Variants in FYN observed in about 807,000 individuals in gnomAD.
The protein encoded by FYN is FYN proto-oncogene, Src family tyrosine kinase.
Under a neutral mutation model 70.2 loss-of-function variants are expected in FYN, and 10 were observed. The ratio of observed to expected loss-of-function variants is 0.14; its 90% CI spans 0.09 to 0.24. FYN has a LOEUF of 0.24. Ranked by LOEUF, FYN falls within the 10% of genes least tolerant of loss-of-function variation. The probability of loss-of-function intolerance (pLI) is 1.00; values close to 1 mark genes in which losing one functional copy is unlikely to be tolerated. For missense variants in FYN, 319 were observed against 673.1 expected (o/e 0.47, Z 5.82); for synonymous variants, 236 against 248.6 (o/e 0.95, Z 0.48).
At chr6:111,865,620 G>C (rs529444612) in intron 1 of FYN, among the ~76,000 whole-genome samples, 1 of 152,104 alleles carries the variant, frequency 6.6e-6, no homozygotes, top group African/African-American at 2.4e-5. Flanking sequence ...CTAAAAATTA[G>C]ATTTGCTCAA....
intron 3 of FYN, among the ~76,000 whole-genome samples, chr6:111,769,235 C>T (rs1193818978): frequency 6.6e-6 from 1 of 152,202 alleles, no homozygotes; most frequent in Admixed American, 6.5e-5. Flanking sequence ...ACATGATCTC[C>T]TCTAGCCTTC....
intron 2 of FYN, among the ~76,000 whole-genome samples, chr6:111,797,701 TATATATATATACAC>T (rs1771855742): frequency 1.0e-5 from 1 of 95,434 alleles, no homozygotes; most frequent in Admixed American, 9.6e-5. Context: ...TATATATATA[TATATATATATACAC>T]ACACACACAC....
chr6:111,769,111 A>T (rs548142534), intron 3 of FYN, among the ~76,000 whole-genome samples: 5 of 152,348 alleles, frequency 3.3e-5, no homozygotes, highest in Admixed American at 1.3e-4. Context: ...TGAGGTTGAC[A>T]TCAAGTCAAA....
At chr6:111,680,264 G>A (rs550656775) in intron 12 of FYN, among the ~76,000 whole-genome samples, 1 of 152,362 alleles carries the variant, frequency 6.6e-6, no homozygotes, top group Admixed American at 6.5e-5. Flanking sequence ...TGCACTCGGT[G>A]CCAGGAGGAC....
intron 3 of FYN, among the ~76,000 whole-genome samples, chr6:111,772,629 A>T (rs956240033): frequency 2.0e-5 from 3 of 152,216 alleles, no homozygotes; most frequent in African/African-American, 7.2e-5. Flanking sequence ...AAAGATGTTT[A>T]ACCTCCACTT....
At chr6:111,684,470 G>A (rs1798907598) in intron 12 of FYN, among the ~76,000 whole-genome samples, 1 of 152,190 alleles carries the variant, frequency 6.6e-6, no homozygotes, top group African/African-American at 2.4e-5. Context: ...AGCTACCAGG[G>A]AGAATGCAGG....
intron 3 of FYN, among the ~76,000 whole-genome samples, chr6:111,729,202 G>T (rs1801333205): frequency 6.6e-6 from 1 of 152,094 alleles, no homozygotes; most frequent in Non-Finnish European, 1.5e-5. Flanking sequence ...GGCCAGGTGT[G>T]GTGGTTCACA....
Position 111,800,046 on chromosome 6 carries a change from G to T in FYN, c.-81-19411C>A, listed in dbSNP as rs975365428. 7.2e-5 allele frequency among the ~76,000 whole-genome samples: 11 copies of T among 152,310 alleles called. No individual in the cohort carries two copies. The East Asian group carries it at 2.1e-3, about 29-fold the overall frequency. On this transcript the variant is annotated intron_variant, in intron 2 of 13. Transcript: ENST00000354650. ...AGTAGTTGCTGTACTTTTAAAAAGG[G>T]AGTTGTAAAAATTATCTTTAAAATG...
chr6:111,683,182 G>A (rs1005067457), intron 12 of FYN, among the ~76,000 whole-genome samples: 3 of 152,228 alleles, frequency 2.0e-5, no homozygotes, highest in Non-Finnish European at 2.9e-5. Flanking sequence ...ACCCAACAGA[G>A]AACTAAATGG....
intron 3 of FYN, among the ~76,000 whole-genome samples, chr6:111,735,522 G>C (rs756889425): frequency 1.5e-4 from 23 of 152,204 alleles, no homozygotes; most frequent in Admixed American, 7.2e-4. Flanking sequence ...TTTTAACCCA[G>C]ATCTGGCTAA....
chr6:111,779,973 C>T (rs1295620463), intron 3 of FYN, among the ~76,000 whole-genome samples: 1 of 152,064 alleles, frequency 6.6e-6, no homozygotes, highest in East Asian at 1.9e-4. Flanking sequence ...TATCTAACAA[C>T]CAGTAGGTAT....
chr6:111,855,693 A>C (rs543659691), intron 1 of FYN, among the ~76,000 whole-genome samples: 1 of 152,356 alleles, frequency 6.6e-6, no homozygotes, highest in East Asian at 1.9e-4. Context: ...ACGGTATCAT[A>C]GACAAGTCCT....
chr6:111,688,294 A>G (rs1048299615), intron 12 of FYN, among the ~76,000 whole-genome samples: 1 of 152,192 alleles, frequency 6.6e-6, no homozygotes, highest in African/African-American at 2.4e-5. Context: ...TGTGCTTCCC[A>G]TCACTCCAAA....
intron 3 of FYN, among the ~76,000 whole-genome samples, chr6:111,735,895 G>A (rs556820365): frequency 6.6e-6 from 1 of 152,312 alleles, no homozygotes; most frequent in East Asian, 1.9e-4. Flanking sequence ...GATCTACTTT[G>A]GAACTATATA....
intron 2 of FYN, among the ~76,000 whole-genome samples, chr6:111,832,185 TG>T (rs1773037213): frequency 6.6e-6 from 1 of 152,168 alleles, no homozygotes; most frequent in Non-Finnish European, 1.5e-5. Context: ...GTATAGTCCC[TG>T]GGGAGTTTTC....
chr6:111,822,609 C>T (rs1772703513), intron 2 of FYN, among the ~76,000 whole-genome samples: 1 of 150,628 alleles, frequency 6.6e-6, no homozygotes. Context: ...TGCACATGTA[C>T]CCTAGAACTT....
intron 3 of FYN, among the ~76,000 whole-genome samples, chr6:111,723,082 T>G (rs1801030243): frequency 6.6e-6 from 1 of 152,166 alleles, no homozygotes; most frequent in South Asian, 2.1e-4. Flanking sequence ...TGCAAACCAC[T>G]CTTCCAACTC....
At chr6:111,858,124 C>T (rs980985424) in intron 1 of FYN, among the ~76,000 whole-genome samples, 7 of 152,142 alleles carry the variant, frequency 4.6e-5, no homozygotes, top group South Asian at 2.1e-4. Flanking sequence ...GATTTCCCCA[C>T]GCCATGTACA....
At chr6:111,864,678 G>T (rs988170708) in intron 1 of FYN, among the ~76,000 whole-genome samples, 1 of 152,164 alleles carries the variant, frequency 6.6e-6, no homozygotes, top group African/African-American at 2.4e-5. Flanking sequence ...AGACTTCCAC[G>T]GTGGGTAAAG....
Sources: allele counts gnomAD v4.1 joint callset (sites outside exome capture counted in the v4.1 genomes callset), GRCh38; gene constraint gnomAD v4.1.1; transcripts MANE v1.5; gene names NCBI Gene and HGNC (gene_info 2026-07-23, HGNC 2026-07-21).